The following SGCD variants were observed in gnomAD, a reference collection of about 807,000 sequenced individuals.
The protein encoded by SGCD is delta-sarcoglycan.
Under a neutral mutation model 36.6 loss-of-function variants are expected in SGCD, and 18 were observed. The ratio of observed to expected loss-of-function variants is 0.49; its 90% CI spans 0.34 to 0.73. The LOEUF (loss-of-function observed/expected upper bound fraction) is 0.73. Ranked by LOEUF, SGCD falls within the 30% of genes least tolerant of loss-of-function variation. The probability of loss-of-function intolerance (pLI) is 0.01; values close to 1 mark genes in which losing one functional copy is unlikely to be tolerated. For synonymous variants in SGCD, 133 were observed against 130.6 expected, an observed-to-expected ratio of 1.02 and a Z score of -0.12; for missense variants, 387 against 346.7, an observed-to-expected ratio of 1.12 and a Z score of -0.92.
At chr5:155,976,057 T>G (rs1758107529) in intron 1 of SGCD, among the ~76,000 whole-genome samples, 1 of 152,172 alleles carries the variant, frequency 6.6e-6, no homozygotes, top group African/African-American at 2.4e-5. Flanking sequence ...TAGGAAAATT[T>G]TAAACATACA....
intron 3 of SGCD, among the ~76,000 whole-genome samples, chr5:156,497,170 A>ACTCTCTCTCTCT (rs10559912): frequency 1.4e-5 from 2 of 145,278 alleles, no homozygotes; most frequent in African/African-American, 2.5e-5. Context: ...ACTCTCCTGC[A>ACTCTCTCTCTCT]CTCTCTCTCT....
intron 1 of SGCD, among the ~76,000 whole-genome samples, chr5:155,946,534 A>T (rs1341989567): frequency 6.6e-6 from 1 of 152,152 alleles, no homozygotes; most frequent in African/African-American, 2.4e-5. Flanking sequence ...AAAAAAATTA[A>T]TGCAAATAGG....
At chr5:156,569,777 G>A (rs956738950) in intron 4 of SGCD, among the ~76,000 whole-genome samples, 2 of 152,090 alleles carry the variant, frequency 1.3e-5, no homozygotes, top group African/African-American at 4.8e-5. Flanking sequence ...GGCACTTCCA[G>A]GCACAGAGAA....
chr5:155,783,473 G>C, the SGCD span, among the ~76,000 whole-genome samples: 2 of 151,908 alleles, frequency 1.3e-5, no homozygotes, highest in African/African-American at 4.8e-5. Flanking sequence ...TAATCTAGCT[G>C]GCAATGACTG....
chr5:155,892,166 A>G (rs1756147176), intron 1 of SGCD, among the ~76,000 whole-genome samples: 1 of 152,140 alleles, frequency 6.6e-6, no homozygotes, highest in Non-Finnish European at 1.5e-5. Context: ...AGGACATGAA[A>G]GAATGAAGCG....
intron 1 of SGCD, among the ~76,000 whole-genome samples, chr5:155,923,496 CAT>C (rs1756932072): frequency 2.6e-5 from 4 of 152,134 alleles, no homozygotes; most frequent in African/African-American, 4.8e-5. Context: ...GATGAACGTT[CAT>C]AGTTATTTGT....
Position 156,311,075 on chromosome 5 carries a change from A to G in SGCD, c.-43-18459A>G, listed in dbSNP as rs185812198. Reference sequence around the variant, plus strand: ...TGGTGAGTTTAAGAGGTGAATAAACAGAGTTGTGTTAAAGGTGGATGAAAT... The same window carrying G: ...TGGTGAGTTTAAGAGGTGAATAAACGGAGTTGTGTTAAAGGTGGATGAAAT... On this transcript the variant is annotated intron_variant, in intron 3 of 9. Coordinates refer to the SGCD transcript ENST00000517913. Among the ~76,000 whole-genome samples the G allele has an allele frequency of 2.2e-4, 34 of 152,368 alleles. No individual in the cohort carries two copies. The East Asian group carries it at 6.4e-3, about 29-fold the overall frequency.
intron 3 of SGCD, among the ~76,000 whole-genome samples, chr5:156,128,060 C>T (rs796311978): frequency 4.0e-4 from 60 of 151,532 alleles, no homozygotes; most frequent in African/African-American, 1.3e-3. Flanking sequence ...AGATGGACCA[C>T]AGACTAGGAG....
the SGCD span, among the ~76,000 whole-genome samples, chr5:155,808,725 C>A: frequency 5.3e-5 from 8 of 152,126 alleles, no homozygotes; most frequent in Non-Finnish European, 2.9e-5. Flanking sequence ...TTGAACAAGT[C>A]AAACCTGTCA....
intron 1 of SGCD, among the ~76,000 whole-genome samples, chr5:155,993,784 C>T (rs1300503674): frequency 6.6e-6 from 1 of 152,180 alleles, no homozygotes; most frequent in Admixed American, 6.5e-5. Context: ...TTCTTCACAG[C>T]ATGGTGGCTG....
At chr5:156,746,201 A>G (rs2113116293) in intron 7 of SGCD, among the ~76,000 whole-genome samples, 1 of 152,156 alleles carries the variant, frequency 6.6e-6, no homozygotes, top group South Asian at 2.1e-4. Context: ...TCATCACAAC[A>G]GTGAGAAGCA....
intron 1 of SGCD, among the ~76,000 whole-genome samples, chr5:156,025,096 C>A (rs1030524140): frequency 3.9e-5 from 6 of 152,094 alleles, no homozygotes; most frequent in Non-Finnish European, 7.4e-5. Flanking sequence ...TTCTTTGTTG[C>A]TTATCCAAAG....
intron 3 of SGCD, among the ~76,000 whole-genome samples, chr5:156,410,276 A>T (rs1308374241): frequency 6.6e-6 from 1 of 152,172 alleles, no homozygotes; most frequent in African/African-American, 2.4e-5. Context: ...TCCTAAGCAA[A>T]ACATAGGAAG....
At chr5:155,845,444 G>A in the SGCD span, 1 of 152,432 alleles carries the variant, frequency 6.6e-6, no homozygotes, top group East Asian at 1.9e-4. Flanking sequence ...ACTGTCTACG[G>A]CCATACCACC....
chr5:155,928,066 A>G (rs1757027542), intron 1 of SGCD, among the ~76,000 whole-genome samples: 1 of 152,226 alleles, frequency 6.6e-6, no homozygotes, highest in Non-Finnish European at 1.5e-5. Flanking sequence ...TAAAATAGGC[A>G]TTAGAAGATA....
At chr5:156,204,176 G>C (rs1475831023) in intron 3 of SGCD, among the ~76,000 whole-genome samples, 1 of 152,052 alleles carries the variant, frequency 6.6e-6, no homozygotes, top group African/African-American at 2.4e-5. Context: ...TCCTCAACAA[G>C]TGTTACTGGA....
the SGCD span, among the ~76,000 whole-genome samples, chr5:155,840,353 C>T: frequency 6.6e-6 from 1 of 151,440 alleles, no homozygotes; most frequent in African/African-American, 2.4e-5. Flanking sequence ...AAGCCATTCT[C>T]CTGCCTCAGC....
chr5:156,178,758 T>G (rs1214359918), intron 3 of SGCD, among the ~76,000 whole-genome samples: 1 of 152,060 alleles, frequency 6.6e-6, no homozygotes, highest in Admixed American at 6.5e-5. Context: ...GTATTTTTAG[T>G]AGAGACAAGG....
chr5:156,276,402 T>C (rs1766319386), intron 3 of SGCD, among the ~76,000 whole-genome samples: 1 of 152,160 alleles, frequency 6.6e-6, no homozygotes, highest in East Asian at 1.9e-4. Flanking sequence ...TTCATCAGGG[T>C]AGATGAGTTA....
Sources: allele counts gnomAD v4.1 joint callset (sites outside exome capture counted in the v4.1 genomes callset), GRCh38; gene constraint gnomAD v4.1.1; transcripts MANE v1.5; gene names NCBI Gene and HGNC (gene_info 2026-07-23, HGNC 2026-07-21).